Variants in PLCG2 observed in about 807,000 individuals in gnomAD.
PLCG2 encodes the protein 1-phosphatidylinositol 4,5-bisphosphate phosphodiesterase gamma-2.
PLCG2 carries 69 observed loss-of-function variants against 175.6 expected under a neutral mutation model. The ratio of observed to expected loss-of-function variants is 0.39; its 90% CI spans 0.32 to 0.48. PLCG2 has a LOEUF of 0.48. PLCG2 is among the 20% of genes least tolerant of loss of function. PLCG2 has a pLI of 0.91. For synonymous variants in PLCG2, 827 were observed against 624.0 expected (o/e 1.33, Z -4.85); for missense variants, 1,798 against 1,650.9 (o/e 1.09, Z -1.54).
chr16:81,900,966 C>A (rs1909125444), intron 14 of PLCG2, among the ~76,000 whole-genome samples, 186 bp downstream of exon 14: 1 of 152,234 alleles, frequency 6.6e-6, no homozygotes, highest in African/African-American at 2.4e-5. Flanking sequence ...TTGGGAGCCT[C>A]TGTTGTCACC....
chr16:81,817,899 T>G (rs1355513509), intron 2 of PLCG2, among the ~76,000 whole-genome samples: 1 of 152,222 alleles, frequency 6.6e-6, no homozygotes, highest in Non-Finnish European at 1.5e-5. Flanking sequence ...CTCACGTTCC[T>G]TACTGTTTCG....
intron 2 of PLCG2, among the ~76,000 whole-genome samples, chr16:81,771,862 C>A (rs913302338): frequency 2.6e-4 from 39 of 152,298 alleles, no homozygotes; most frequent in African/African-American, 8.9e-4. Context: ...CCGCTCACTG[C>A]AACCTCCACC....
chr16:81,954,429 A>G (rs1018499541), intron 31 of PLCG2, among the ~76,000 whole-genome samples: 1 of 152,150 alleles, frequency 6.6e-6, no homozygotes, highest in Non-Finnish European at 1.5e-5. Flanking sequence ...TTACATAGGT[A>G]TACGTGTGCC....
rs1597124328 is a variant in PLCG2, at chr16:81,908,736, G to C, written c.1733+145G>C. On this transcript the variant is annotated intron_variant, in intron 17 of 32. Coordinates refer to ENST00000564138, the MANE Select transcript of PLCG2 (RefSeq NM_002661.5). ...CATTTGTCTAGCTCTTCTAGGCCGG[G>C]ACAAGGGTGAGGTGGGTATGACTCA... 1.5e-5 allele frequency: 10 copies of C among 673,338 alleles called. No individual in the cohort carries two copies. In the East Asian group the frequency reaches 2.6e-4, roughly 17 times the overall value. 41.7% of individuals were successfully genotyped at this position (673,338 alleles called of 1,614,324 possible).
rs34004978 is a variant in PLCG2, at chr16:81,930,747, C to CAAAAAA, written c.2582-739_2582-734dup. Among the ~76,000 whole-genome samples the CAAAAAA allele has an allele frequency of 1.3e-3, 167 of 125,778 alleles. 2 individuals carry two copies. The highest frequency in any genetic ancestry group is 4.8e-3 in the African/African-American group (157 of 32,570). 82.5% of individuals were successfully genotyped at this position (125,778 alleles called of 152,430 possible). ...TGGGTGACAGAGTGCCACCCTGTCT[C>CAAAAAA]AAAAAAAAAAAAAAAAGCCATTTAA... On this transcript the variant is annotated intron_variant, in intron 24 of 32. Transcript: ENST00000564138.
intron 2 of PLCG2, among the ~76,000 whole-genome samples, chr16:81,773,190 A>G (rs1354448994): frequency 6.6e-6 from 1 of 151,926 alleles, no homozygotes; most frequent in Non-Finnish European, 1.5e-5. Context: ...GAAAAGGTGT[A>G]CTCTTTTCAG....
At chr16:81,833,129 C>G (rs1905337094) in intron 2 of PLCG2, among the ~76,000 whole-genome samples, 1 of 152,172 alleles carries the variant, frequency 6.6e-6, no homozygotes, top group Non-Finnish European at 1.5e-5. Flanking sequence ...CTCGCAGAAC[C>G]CATTCCTTCC....
chr16:81,821,850 A>G (rs1451718388), intron 2 of PLCG2, among the ~76,000 whole-genome samples: 1 of 151,990 alleles, frequency 6.6e-6, no homozygotes, highest in East Asian at 1.9e-4. Context: ...CCTCTCAAAT[A>G]ATCTCAGACA....
At chr16:81,813,965 C>T (rs771648036) in intron 2 of PLCG2, among the ~76,000 whole-genome samples, 6 of 152,178 alleles carry the variant, frequency 3.9e-5, no homozygotes. Context: ...TTGTGGCTAT[C>T]GTGAATCCAC....
chr16:81,919,701 C>T, intron 20 of PLCG2, 37 bp downstream of exon 20: 1 of 1,571,964 alleles, frequency 6.4e-7, no homozygotes, highest in Non-Finnish European at 8.7e-7. Flanking sequence ...GGTGGGATTT[C>T]TTGTCTGAGG....
upstream of PLCG2, among the ~76,000 whole-genome samples, chr16:81,778,034 A>C (rs1369389833): frequency 5.7e-5 from 5 of 87,280 alleles, no homozygotes; most frequent in East Asian, 2.6e-4. Flanking sequence ...AAAAAAAACA[A>C]AAAAAAAACA....
chr16:81,839,318 A>C (rs1367878823), intron 2 of PLCG2, among the ~76,000 whole-genome samples: 2 of 152,172 alleles, frequency 1.3e-5, no homozygotes, highest in African/African-American at 4.8e-5. Flanking sequence ...ATATGGCTCC[A>C]AACCACCCCC....
intron 2 of PLCG2, among the ~76,000 whole-genome samples, chr16:81,805,208 A>C (rs1911939220): frequency 6.6e-6 from 1 of 152,136 alleles, no homozygotes; most frequent in African/African-American, 2.4e-5. Flanking sequence ...CTTAAAACTC[A>C]ACAATAAAAG....
In PLCG2 at chr16:81,923,495, C is replaced by A. The variant is rs1409649312; in HGVS notation, c.2318C>A (p.Thr773Asn). 6.2e-7 allele frequency: 1 copy of A among 1,610,214 alleles called. No homozygotes were observed. Among genetic ancestry groups the A allele is most frequent in the Non-Finnish European group, 8.5e-7 (1 of 1,176,824 alleles). ...SEINPSMPQR[T>N]VKALYDYKAK... ...TGTTTTCCCTGAAAGCCTCAGAGAA[C>A]CGTGAAAGCTCTGTATGACTACAAA... The change falls in exon 22 of 33, where the codon ACC becomes AAC. Residue 773 changes from threonine to asparagine, a missense_variant. Transcript: ENST00000564138.
intron 19 of PLCG2, among the ~76,000 whole-genome samples, chr16:81,917,171 T>G (rs1332861189): frequency 6.6e-6 from 1 of 152,192 alleles, no homozygotes; most frequent in Admixed American, 6.5e-5. Context: ...CTGGTTTATT[T>G]CACACAGCAC....
intron 2 of PLCG2, among the ~76,000 whole-genome samples, chr16:81,828,801 T>C (rs899484189): frequency 2.0e-5 from 3 of 152,204 alleles, no homozygotes; most frequent in Non-Finnish European, 4.4e-5. Context: ...GTCGGGTACA[T>C]AGAAGGTTTC....
At chr16:81,876,229 C>T (rs576960724) in intron 7 of PLCG2, among the ~76,000 whole-genome samples, 3 of 151,880 alleles carry the variant, frequency 2.0e-5, no homozygotes, top group South Asian at 2.1e-4. Context: ...CACCATGTTA[C>T]CCAGGCTAGG....
At chr16:81,944,977 A>G (rs948672613) in intron 30 of PLCG2, among the ~76,000 whole-genome samples, 1 of 152,218 alleles carries the variant, frequency 6.6e-6, no homozygotes, top group African/African-American at 2.4e-5. Flanking sequence ...AATGCCAGAA[A>G]AACATAAGCC....
intron 9 of PLCG2, among the ~76,000 whole-genome samples, chr16:81,885,458 C>G (rs747311651): frequency 3.6e-4 from 55 of 152,162 alleles, no homozygotes; most frequent in Admixed American, 6.5e-5. Context: ...GGCACTGTGC[C>G]CGGCCCACTT....
Sources: gnomAD v4.1 joint callset for allele counts (sites outside exome capture counted in the v4.1 genomes callset) on GRCh38, gnomAD v4.1.1 for gene constraint, MANE v1.5 for transcripts, NCBI Gene and HGNC (gene_info 2026-07-23, HGNC 2026-07-21) for gene names.